ANK2: variants seen among roughly 807,000 people sequenced by gnomAD.
The protein encoded by ANK2 is ankyrin 2, also known as ankyrin-2.
Under a neutral mutation model 360.5 loss-of-function variants are expected in ANK2, and 83 were observed. That is an observed-to-expected ratio of 0.23 (90% confidence interval 0.19 to 0.28). The LOEUF (loss-of-function observed/expected upper bound fraction) is 0.28, where lower values mean the gene tolerates loss of function less well. Ranked by LOEUF, ANK2 falls within the 10% of genes least tolerant of loss-of-function variation. ANK2 has a pLI of 1.00. For missense variants in ANK2, 4,201 were observed against 4,795.7 expected, an observed-to-expected ratio of 0.88 and a Z score of 3.66; for synonymous variants, 1,740 against 1,759.5, an observed-to-expected ratio of 0.99 and a Z score of 0.28.
chr4:113,011,331 C>T (rs2054644206), intron 2 of ANK2, among the ~76,000 whole-genome samples: 2 of 152,028 alleles, frequency 1.3e-5, no homozygotes, highest in African/African-American at 4.8e-5. Context: ...GAAATTTTAT[C>T]TCTGCTCTCT....
At chr4:112,810,182 T>TTTTTTTTTTTTG in the ANK2 span, among the ~76,000 whole-genome samples, 1 of 111,786 alleles carries the variant, frequency 8.9e-6, no homozygotes, top group African/African-American at 3.3e-5. Context: ...TTTTTTTTTT[T>TTTTTTTTTTTTG]GTAGCAATGG....
chr4:113,127,753 A>G (rs917345832), intron 1 of ANK2, among the ~76,000 whole-genome samples: 7 of 152,254 alleles, frequency 4.6e-5, no homozygotes, highest in African/African-American at 1.7e-4. Context: ...ATAAGCAGGT[A>G]TGGAAGGTTC....
chr4:112,933,385 C>A (rs996180997), intron 2 of ANK2, among the ~76,000 whole-genome samples: 1 of 152,160 alleles, frequency 6.6e-6, no homozygotes, highest in Non-Finnish European at 1.5e-5. Context: ...ATTCTGGTTT[C>A]TGATGCACAC....
At chr4:112,857,783 C>T (rs938530010) in intron 1 of ANK2, among the ~76,000 whole-genome samples, 2 of 152,022 alleles carry the variant, frequency 1.3e-5, no homozygotes, top group African/African-American at 2.4e-5. Flanking sequence ...ATCCAGTGCT[C>T]CTGAAGTTTT....
intron 2 of ANK2, among the ~76,000 whole-genome samples, chr4:112,957,393 A>G (rs190848420): frequency 0.01 from 1,552 of 152,302 alleles, 22 homozygotes; most frequent in African/African-American, 0.034. Flanking sequence ...GAACAAAATG[A>G]AAAGTCTCCC....
chr4:113,063,759 T>C (rs2154335976), intron 1 of ANK2, among the ~76,000 whole-genome samples: 1 of 152,274 alleles, frequency 6.6e-6, no homozygotes, highest in Admixed American at 6.5e-5. Context: ...AACTGAACTC[T>C]TAGTGTGAGT....
At chr4:113,005,390 T>C (rs946102373) in intron 2 of ANK2, among the ~76,000 whole-genome samples, 2 of 152,162 alleles carry the variant, frequency 1.3e-5, no homozygotes, top group Admixed American at 6.5e-5. Context: ...ATATAATCAA[T>C]AGAATACTAC....
chr4:113,219,560 C>T (rs1297660266), intron 4 of ANK2, among the ~76,000 whole-genome samples: 2 of 151,788 alleles, frequency 1.3e-5, no homozygotes, highest in Admixed American at 1.3e-4. Flanking sequence ...GTTTTCCCCT[C>T]ACACAGAAAA....
chr4:113,083,070 T>A (rs1329911793), intron 1 of ANK2, among the ~76,000 whole-genome samples: 8 of 152,078 alleles, frequency 5.3e-5, no homozygotes, highest in Admixed American at 3.9e-4. Context: ...TTTATTTTTT[T>A]AAATTTTTAA....
At chr4:112,898,289 C>T (rs1156327513) in intron 1 of ANK2, among the ~76,000 whole-genome samples, 3 of 152,122 alleles carry the variant, frequency 2.0e-5, no homozygotes, top group South Asian at 2.1e-4. Flanking sequence ...CCCCTTTTCT[C>T]TTCTAGGATA....
At chr4:112,839,943 TTGTACTCTTC>T (rs1471892149) in intron 1 of ANK2, among the ~76,000 whole-genome samples, 1 of 152,230 alleles carries the variant, frequency 6.6e-6, no homozygotes, top group Non-Finnish European at 1.5e-5. Context: ...TTGGCCAGGT[TTGTACTCTTC>T]TGTATGTTGA....
At chr4:112,775,106 CT>C in the ANK2 span, among the ~76,000 whole-genome samples, 1 of 151,998 alleles carries the variant, frequency 6.6e-6, no homozygotes, top group African/African-American at 2.4e-5. Context: ...TACTGATAAT[CT>C]GCAGTATAGA....
At chr4:112,933,623 C>T (rs1480799041) in intron 2 of ANK2, among the ~76,000 whole-genome samples, 1 of 152,040 alleles carries the variant, frequency 6.6e-6, no homozygotes, top group Non-Finnish European at 1.5e-5. Flanking sequence ...GCCTCAGCCT[C>T]CCGAGTAGCT....
chr4:113,020,155 C>T (rs1008976547), intron 2 of ANK2, among the ~76,000 whole-genome samples: 2 of 152,088 alleles, frequency 1.3e-5, no homozygotes, highest in African/African-American at 4.8e-5. Flanking sequence ...AGATTCTATA[C>T]TTTTACTTAT....
chr4:112,710,638 C>G, the ANK2 span, among the ~76,000 whole-genome samples: 1 of 150,822 alleles, frequency 6.6e-6, no homozygotes, highest in South Asian at 2.1e-4. Context: ...GTGGAGGTTG[C>G]AGTGAGCCGA....
chr4:113,025,424 T>C (rs1454570289), intron 2 of ANK2, among the ~76,000 whole-genome samples: 1 of 152,222 alleles, frequency 6.6e-6, no homozygotes, highest in East Asian at 1.9e-4. Flanking sequence ...ACATTTATTT[T>C]GAAGTAGGCC....
At chr4:113,366,489 T>G (rs2096543255) in intron 41 of ANK2, among the ~76,000 whole-genome samples, 1 of 150,920 alleles carries the variant, frequency 6.6e-6, no homozygotes, top group Non-Finnish European at 1.5e-5. Flanking sequence ...TCTTAACTGT[T>G]GAGCAAGAGC....
chr4:112,887,649 C>G (rs967713660), intron 1 of ANK2, among the ~76,000 whole-genome samples: 1 of 151,988 alleles, frequency 6.6e-6, no homozygotes, highest in African/African-American at 2.4e-5. Context: ...AAAAATCCAT[C>G]TTAATGTTAG....
At chr4:112,985,591 T>C (rs572695956) in intron 2 of ANK2, among the ~76,000 whole-genome samples, 4 of 152,316 alleles carry the variant, frequency 2.6e-5, no homozygotes, top group African/African-American at 9.6e-5. Context: ...AGTTATACCA[T>C]AGGGACCTGG....
Sources: gnomAD v4.1 joint callset for allele counts (sites outside exome capture counted in the v4.1 genomes callset) on GRCh38, gnomAD v4.1.1 for gene constraint, MANE v1.5 for transcripts, NCBI Gene and HGNC (gene_info 2026-07-23, HGNC 2026-07-21) for gene names.